The following PAG1 variants were observed in gnomAD, a reference collection of about 807,000 sequenced individuals.
PAG1 encodes the protein phosphoprotein associated with glycosphingolipid-enriched microdomains 1.
In PAG1, 23 loss-of-function variants were observed where a neutral mutation model predicts 31.7. That is an observed-to-expected ratio of 0.73 (90% CI 0.52 to 1.03). The LOEUF (loss-of-function observed/expected upper bound fraction) is 1.03. Ranked by LOEUF, PAG1 falls within the 50% of genes least tolerant of loss-of-function variation. The pLI is 0.00. For synonymous variants in PAG1, 214 were observed against 210.3 expected (o/e 1.02, Z -0.15); for missense variants, 473 against 540.7 (o/e 0.87, Z 1.24).
chr8:81,043,917 G>T (rs2705499), intron 2 of PAG1, among the ~76,000 whole-genome samples: 36,501 of 152,054 alleles, frequency 0.24, 4,430 homozygotes, highest in Middle Eastern at 0.3. Flanking sequence ...ACTGATGGTA[G>T]TTCTCCCTGA....
At chr8:81,018,526 C>T (rs192413570) in intron 3 of PAG1, among the ~76,000 whole-genome samples, 22 of 152,214 alleles carry the variant, frequency 1.4e-4, no homozygotes, top group African/African-American at 5.1e-4. Context: ...TGGGAGGGAC[C>T]CAATGGGAGG....
intron 1 of PAG1, among the ~76,000 whole-genome samples, chr8:81,107,940 A>C (rs972988255): frequency 1.3e-5 from 2 of 152,354 alleles, no homozygotes; most frequent in South Asian, 4.1e-4. Flanking sequence ...AGAAAATTCA[A>C]AACAGTACAT....
intron 1 of PAG1, among the ~76,000 whole-genome samples, chr8:81,087,216 G>C (rs146833837): frequency 0.02 from 3,098 of 152,074 alleles, 111 homozygotes; most frequent in African/African-American, 0.071. Context: ...GGTGGCATGT[G>C]CCTGTAATCC....
At chr8:81,074,812 G>A (rs1563420951) in intron 1 of PAG1, among the ~76,000 whole-genome samples, 1 of 152,184 alleles carries the variant, frequency 6.6e-6, no homozygotes, top group Non-Finnish European at 1.5e-5. Flanking sequence ...AAAAAAGGGT[G>A]AGTGAATAGC....
intron 3 of PAG1, among the ~76,000 whole-genome samples, chr8:80,994,271 A>G (rs1408201672): frequency 6.6e-6 from 1 of 152,236 alleles, no homozygotes; most frequent in Non-Finnish European, 1.5e-5. Flanking sequence ...GTATGTTTAC[A>G]CTACCCTGCT....
At chr8:81,078,806 G>C (rs996588803) in intron 1 of PAG1, among the ~76,000 whole-genome samples, 4 of 152,116 alleles carry the variant, frequency 2.6e-5, no homozygotes, top group Non-Finnish European at 5.9e-5. Context: ...TTACACATGA[G>C]GAAACTGAAG....
intron 3 of PAG1, among the ~76,000 whole-genome samples, chr8:80,998,946 C>T (rs1271123066): frequency 6.6e-6 from 1 of 152,168 alleles, no homozygotes. Context: ...CATTACCAGG[C>T]GTGGGAACCA....
intron 2 of PAG1, among the ~76,000 whole-genome samples, chr8:81,058,909 G>A (rs1808871092): frequency 6.6e-6 from 1 of 151,966 alleles, no homozygotes; most frequent in Admixed American, 6.6e-5. Flanking sequence ...AAAATAAAAT[G>A]GATCTTCTTA....
intron 8 of PAG1, among the ~76,000 whole-genome samples, chr8:80,978,780 G>A (rs577183074): frequency 3.3e-5 from 5 of 152,270 alleles, no homozygotes; most frequent in South Asian, 2.1e-4. Context: ...CCTTTTGACT[G>A]TTTTCTATGA....
rs190419127 is a variant in PAG1 at position 81,005,658 on chromosome 8, A to G, written c.-80-12351T>C. On this transcript the variant is annotated intron_variant, in intron 3 of 8. Transcript: ENST00000220597. Reference sequence around the variant, plus strand: ...TTCTGAGCAAGTGCGTGTTCTGTCAACTGAAGTGATAAGTGTGATTGTGGC... The same window carrying G: ...TTCTGAGCAAGTGCGTGTTCTGTCAGCTGAAGTGATAAGTGTGATTGTGGC... 2.1e-4 allele frequency among the ~76,000 whole-genome samples: 32 copies of G among 152,360 alleles called. No individual in the cohort carries two copies. In the East Asian group the frequency reaches 5.6e-3, roughly 27 times the overall value.
At chr8:81,096,466 A>C (rs1479690845) in intron 1 of PAG1, among the ~76,000 whole-genome samples, 2 of 152,208 alleles carry the variant, frequency 1.3e-5, no homozygotes, top group African/African-American at 4.8e-5. Flanking sequence ...AAACTACAAA[A>C]AGATGACAGC....
chr8:81,011,827 C>T lies in PAG1; in HGVS notation c.-81+18169G>A, dbSNP rs150486196. On this transcript the variant is annotated intron_variant, in intron 3 of 8. Transcript: ENST00000220597. ...AAGGCGTTTTGCAGCCTGTGCTTTG[C>T]TGACCTCTGGCTGGCTCCAAGCTTC... 1.1e-3 allele frequency among the ~76,000 whole-genome samples: 167 copies of T among 152,364 alleles called. 1 individual carries two copies. The highest frequency in any genetic ancestry group is 3.8e-3 in the African/African-American group (159 of 41,590).
Position 80,976,404 on chromosome 8 carries a change from A to G in PAG1, c.*140T>C. ...TCTCAGAAACTGAACAACTGGGAGAACAGTCGACAGGGCCTCTCCAACCAT... is the reference window on the plus strand; with the variant it reads ...TCTCAGAAACTGAACAACTGGGAGAGCAGTCGACAGGGCCTCTCCAACCAT... On this transcript the variant is annotated 3_prime_UTR_variant, in exon 9 of 9. Coordinates refer to ENST00000220597, the MANE Select transcript of PAG1 (RefSeq NM_018440.4). The G allele has an allele frequency of 1.2e-6, 1 of 811,770 alleles. No homozygotes were observed. The highest frequency in any genetic ancestry group is 1.9e-6 in the Non-Finnish European group (1 of 521,244). The allele number at this position is 811,770 out of a possible 1,614,324, so 50.3% of individuals were successfully genotyped here.
intron 2 of PAG1, among the ~76,000 whole-genome samples, chr8:81,066,533 T>C (rs1360487690): frequency 4.6e-5 from 7 of 152,170 alleles, no homozygotes; most frequent in Admixed American, 1.3e-4. Flanking sequence ...TAGCATGCAA[T>C]AGACTTGAGC....
intron 2 of PAG1, among the ~76,000 whole-genome samples, chr8:81,039,011 T>G (rs16919626): frequency 3.3e-5 from 5 of 152,128 alleles, no homozygotes; most frequent in Admixed American, 2.0e-4. Context: ...TTGCAATAGT[T>G]AAGTGCCCAG....
intron 1 of PAG1, among the ~76,000 whole-genome samples, chr8:81,081,489 G>C (rs1359026479): frequency 2.0e-5 from 3 of 151,954 alleles, no homozygotes; most frequent in Admixed American, 1.3e-4. Flanking sequence ...TTACAACTAA[G>C]GTAAACACAC....
chr8:81,067,999 C>G (rs975512126), intron 2 of PAG1, among the ~76,000 whole-genome samples: 1 of 152,178 alleles, frequency 6.6e-6, no homozygotes, highest in Non-Finnish European at 1.5e-5. Flanking sequence ...TAGGCTCAAG[C>G]AATTCTTGTG....
In PAG1 at chr8:80,973,061, A is replaced by G. The variant is rs1286534269; in HGVS notation, c.*3483T>C. ...CGGTTAAATTTTAGTTCTCTGTGTTAACTACTTACTGTTAATTTAGTACTC... is the reference window on the plus strand; with the variant it reads ...CGGTTAAATTTTAGTTCTCTGTGTTGACTACTTACTGTTAATTTAGTACTC... On this transcript the variant is annotated 3_prime_UTR_variant, in exon 9 of 9. Transcript: ENST00000220597. 1 of 152,062 alleles carries G rather than the reference A, an allele frequency of 6.6e-6. No homozygotes were observed. Among genetic ancestry groups the G allele is most frequent in the Non-Finnish European group, 1.5e-5 (1 of 68,012 alleles). The allele number at this position is 152,062 out of a possible 1,614,324, so 9.4% of individuals were successfully genotyped here.
At chr8:81,057,553 CAG>C (rs1223155289) in intron 2 of PAG1, among the ~76,000 whole-genome samples, 2 of 126,560 alleles carry the variant, frequency 1.6e-5, no homozygotes, top group Non-Finnish European at 3.1e-5. Context: ...ACATCACACA[CAG>C]GGGCCTGTCG....
Sources: gnomAD v4.1 joint callset for allele counts (sites outside exome capture counted in the v4.1 genomes callset) on GRCh38, gnomAD v4.1.1 for gene constraint, MANE v1.5 for transcripts, NCBI Gene and HGNC (gene_info 2026-07-23, HGNC 2026-07-21) for gene names.